Variants in IMMP2L observed in about 807,000 individuals in gnomAD.
The protein encoded by IMMP2L is inner mitochondrial membrane peptidase subunit 2, also known as mitochondrial inner membrane protease subunit 2.
Under a neutral mutation model 19.3 loss-of-function variants are expected in IMMP2L, and 18 were observed. The ratio of observed to expected loss-of-function variants is 0.93; its 90% CI spans 0.64 to 1.38. IMMP2L has a LOEUF of 1.38. Ranked by LOEUF, IMMP2L falls within the 40% of genes most tolerant of loss-of-function variation. The pLI is 0.00. For synonymous variants in IMMP2L, 76 were observed against 73.0 expected (o/e 1.04, Z -0.21); for missense variants, 233 against 218.2 (o/e 1.07, Z -0.43).
At chr7:110,932,672 A>ATT (rs1554464793) in intron 4 of IMMP2L, among the ~76,000 whole-genome samples, 1 of 152,228 alleles carries the variant, frequency 6.6e-6, no homozygotes, top group Non-Finnish European at 1.5e-5. Context: ...CAGTTTTTAC[A>ATT]TTCTCCAGTG....
intron 3 of IMMP2L, among the ~76,000 whole-genome samples, chr7:111,465,802 T>A (rs1366892278): frequency 6.6e-6 from 1 of 152,162 alleles, no homozygotes; most frequent in Non-Finnish European, 1.5e-5. Flanking sequence ...AAATACCATT[T>A]GACCCAGCAA....
chr7:111,224,009 T>C (rs573901524), intron 3 of IMMP2L, among the ~76,000 whole-genome samples: 6 of 152,274 alleles, frequency 3.9e-5, no homozygotes, highest in African/African-American at 1.4e-4. Flanking sequence ...AAGAACACTA[T>C]ACACAAGAGG....
At chr7:110,975,344 C>G (rs1026845784) in intron 3 of IMMP2L, among the ~76,000 whole-genome samples, 1 of 152,132 alleles carries the variant, frequency 6.6e-6, no homozygotes, top group African/African-American at 2.4e-5. Context: ...AATCTAGTCA[C>G]TTTCAAGTCA....
chr7:110,674,258 C>G (rs1397176401), intron 5 of IMMP2L, among the ~76,000 whole-genome samples: 1 of 152,164 alleles, frequency 6.6e-6, no homozygotes, highest in Non-Finnish European at 1.5e-5. Context: ...CAGTCACTAT[C>G]ATGAGAATAG....
chr7:111,000,666 A>C (rs367720364), intron 3 of IMMP2L, among the ~76,000 whole-genome samples: 14 of 152,236 alleles, frequency 9.2e-5, no homozygotes, highest in African/African-American at 3.4e-4. Flanking sequence ...CAACATGGTG[A>C]AAAGTCATCT....
intron 2 of IMMP2L, among the ~76,000 whole-genome samples, chr7:111,504,965 G>T (rs1844724440): frequency 6.6e-6 from 1 of 152,000 alleles, no homozygotes; most frequent in South Asian, 2.1e-4. Context: ...AGCCAAAACT[G>T]ACAAATGGGA....
intron 5 of IMMP2L, among the ~76,000 whole-genome samples, chr7:110,854,941 C>T (rs973598462): frequency 1.3e-4 from 19 of 151,910 alleles, no homozygotes; most frequent in African/African-American, 4.6e-4. Context: ...AATAAAGCTT[C>T]TAGATCCGTC....
intron 3 of IMMP2L, chr7:111,124,116 A>G (rs1800993443): frequency 1.2e-6 from 2 of 1,613,982 alleles, no homozygotes; most frequent in East Asian, 2.2e-5. Flanking sequence ...GAGCTACTGC[A>G]GAACCACAGC....
chr7:111,327,972 CAT>C (rs1298274205), intron 3 of IMMP2L, among the ~76,000 whole-genome samples: 45 of 151,766 alleles, frequency 3.0e-4, no homozygotes, highest in African/African-American at 1.1e-3. Flanking sequence ...TATAAGAATA[CAT>C]ATGAGAATAA....
intron 3 of IMMP2L, among the ~76,000 whole-genome samples, chr7:111,209,287 C>CT: frequency 6.6e-6 from 1 of 150,686 alleles, no homozygotes; most frequent in South Asian, 2.1e-4. Flanking sequence ...GTTTCAGCTA[C>CT]TTGCGAGGCT....
intron 3 of IMMP2L, among the ~76,000 whole-genome samples, chr7:111,443,314 T>G (rs557375174): frequency 6.7e-6 from 1 of 149,564 alleles, no homozygotes; most frequent in Non-Finnish European, 1.5e-5. Context: ...TAAGTTATTT[T>G]ACAAGCCTAT....
At chr7:111,257,733 C>T (rs963283662) in intron 3 of IMMP2L, among the ~76,000 whole-genome samples, 14 of 152,216 alleles carry the variant, frequency 9.2e-5, no homozygotes, top group African/African-American at 1.9e-4. Flanking sequence ...AATGATTACA[C>T]TGGTACAAAA....
intron 2 of IMMP2L, among the ~76,000 whole-genome samples, chr7:111,519,455 C>T (rs894335726): frequency 1.3e-5 from 2 of 152,128 alleles, no homozygotes; most frequent in African/African-American, 4.8e-5. Flanking sequence ...CATTTGACTT[C>T]TTAGGGATAG....
chr7:111,137,700 C>T (rs544686249), intron 3 of IMMP2L, among the ~76,000 whole-genome samples: 4 of 152,296 alleles, frequency 2.6e-5, no homozygotes, highest in African/African-American at 9.6e-5. Flanking sequence ...ATTTCAACAG[C>T]TCTAACAAAG....
At chr7:111,219,365 C>G (rs1312304153) in intron 3 of IMMP2L, among the ~76,000 whole-genome samples, 1 of 151,830 alleles carries the variant, frequency 6.6e-6, no homozygotes, top group Non-Finnish European at 1.5e-5. Context: ...GTTCCCAAGA[C>G]CTAATAAACC....
chr7:111,305,156 G>A (rs1187855313), intron 3 of IMMP2L, among the ~76,000 whole-genome samples: 2 of 152,034 alleles, frequency 1.3e-5, no homozygotes, highest in Non-Finnish European at 2.9e-5. Flanking sequence ...GTTAAGAAGA[G>A]TGGGAAGCTG....
intron 3 of IMMP2L, among the ~76,000 whole-genome samples, chr7:111,084,028 G>C (rs1007046564): frequency 6.6e-6 from 1 of 152,134 alleles, no homozygotes; most frequent in African/African-American, 2.4e-5. Flanking sequence ...GTGTGAGCCT[G>C]ACTGTGTTGT....
At chr7:111,364,006 C>CCAAA (rs1829516066) in intron 3 of IMMP2L, among the ~76,000 whole-genome samples, 1 of 151,718 alleles carries the variant, frequency 6.6e-6, no homozygotes, top group South Asian at 2.1e-4. Context: ...AGATCCCCCC[C>CCAAA]CACACACACA....
intron 3 of IMMP2L, among the ~76,000 whole-genome samples, chr7:111,385,453 G>T (rs116524805): frequency 6.6e-6 from 1 of 152,166 alleles, no homozygotes; most frequent in East Asian, 1.9e-4. Context: ...GACCCATAGC[G>T]CTACCCTAGG....
Sources: allele counts gnomAD v4.1 joint callset (sites outside exome capture counted in the v4.1 genomes callset), GRCh38; gene constraint gnomAD v4.1.1; transcripts MANE v1.5; gene names NCBI Gene and HGNC (gene_info 2026-07-23, HGNC 2026-07-21).